CYFIP1: variants seen among roughly 807,000 people sequenced by gnomAD.
CYFIP1 encodes the protein cytoplasmic FMR1-interacting protein 1.
A neutral mutation model predicts 163.5 loss-of-function variants in CYFIP1; 58 were observed. That is an observed-to-expected ratio of 0.35 (90% CI 0.29 to 0.44). The LOEUF is 0.44. Ranked by LOEUF, CYFIP1 falls within the 20% of genes least tolerant of loss-of-function variation. The probability of loss-of-function intolerance (pLI) is 1.00; values close to 1 mark genes in which losing one functional copy is unlikely to be tolerated. For missense variants in CYFIP1, 1,338 were observed against 1,653.8 expected (o/e 0.81, Z 3.31); for synonymous variants, 663 against 660.7 (o/e 1.00, Z -0.05).
At chr15:22,928,106 A>C in intron 11 of CYFIP1, 78 bp from the exon 12 acceptor site, 2 of 1,390,936 alleles carry the variant, frequency 1.4e-6, no homozygotes, top group Non-Finnish European at 1.9e-6. Flanking sequence ...CACCATGAGA[A>C]TCCACCCCAA....
chr15:22,907,615 A>G (rs1307487031), intron 21 of CYFIP1, among the ~76,000 whole-genome samples: 2 of 152,206 alleles, frequency 1.3e-5, no homozygotes, highest in East Asian at 3.8e-4. Context: ...CACAGTGGAA[A>G]CGGACGTGTG....
rs1339859168 is a variant in CYFIP1, at chr15:22,879,940, G to A, written c.3015C>T (p.Leu1005=). The change falls in exon 26 of 31, where the codon CTC becomes CTT. Residue 1005 remains leucine, a synonymous_variant. Coordinates refer to ENST00000617928, the MANE Select transcript of CYFIP1 (RefSeq NM_014608.6). Reference sequence around the variant, plus strand: ...GGCTCTGCTCGATGAGCAGGCAGAAGAGGATGGCGTTCCCCACCTCCCGCA... The same window carrying A: ...GGCTCTGCTCGATGAGCAGGCAGAAAAGGATGGCGTTCCCCACCTCCCGCA... ...QNLREVGNAI[L]FCLLIEQSLS... is the part of the protein sequence containing the mutation. 26 of 1,613,222 alleles carry A rather than the reference G, an allele frequency of 1.6e-5. No homozygotes were observed. Among genetic ancestry groups the A allele is most frequent in the Non-Finnish European group, 2.2e-5 (26 of 1,179,990 alleles).
Position 22,943,512 on chromosome 15 carries a change from C to T in CYFIP1, c.388-158G>A, listed in dbSNP as rs1351159330. 4.0e-4 allele frequency among the ~76,000 whole-genome samples: 61 copies of T among 152,214 alleles called. 1 individual carries two copies. The highest frequency in any genetic ancestry group is 4.0e-3 in the Admixed American group (61 of 15,282). ...GTTTACAATGTGGGCAACCAGACCC[C>T]TTCCTGAAAGCAGCTCCCACTGCCT... On this transcript the variant is annotated intron_variant, in intron 5 of 30. Transcript: ENST00000617928.
chr15:22,971,938 TGCAATCTACAGATTCAAA>T lies in CYFIP1; in HGVS notation c.-7+8331_-7+8348del, dbSNP rs1255125802. Reference sequence around the variant, plus strand: ...AATTCAATGCAATCTACAGGTTCAATGCAATCTACAGATTCAAAGCAATCTACAGATTCAATGCAATCT... The same window carrying T: ...AATTCAATGCAATCTACAGGTTCAATGCAATCTACAGATTCAATGCAATCT... On this transcript the variant is annotated intron_variant, in intron 1 of 30. Transcript: ENST00000617928. 1.2e-3 allele frequency among the ~76,000 whole-genome samples: 189 copies of T among 151,822 alleles called. 2 individuals carry two copies. In the South Asian group the frequency reaches 0.021, roughly 17 times the overall value.
chr15:22,944,238 CAA>C lies in CYFIP1; in HGVS notation c.387+318_387+319del, dbSNP rs34662161. Among the ~76,000 whole-genome samples the C allele has an allele frequency of 4.7e-3, 447 of 94,950 alleles. 3 individuals carry two copies. Among genetic ancestry groups the C allele is most frequent in the African/African-American group, 0.016 (384 of 23,722 alleles). The allele number at this position is 94,950 out of a possible 152,430, so 62.3% of individuals were successfully genotyped here. A position where few individuals can be genotyped will look rare whatever the true frequency, so the allele number is the denominator to read the frequency against. On this transcript the variant is annotated intron_variant, in intron 5 of 30. Transcript: ENST00000617928. ...AGGGCGACAAAGCAAGACTCTGTCT[CAA>C]AAAAAAAAAAAAAAAAAAAAAGTAC...
At chr15:22,952,636 CAG>C (rs1017475359) in intron 1 of CYFIP1, among the ~76,000 whole-genome samples, 4 of 100,402 alleles carry the variant, frequency 4.0e-5, no homozygotes, top group Middle Eastern at 0.013. Context: ...ACCCCAGCGA[CAG>C]AGTGAGGTGA....
rs1404832051 is a variant in CYFIP1 at position 22,947,223 on chromosome 15, G to A, written c.63C>T (p.Pro21=). 3.7e-6 allele frequency: 6 copies of A among 1,613,858 alleles called. No individual in the cohort carries two copies. The highest frequency in any genetic ancestry group is 2.2e-5 in the East Asian group (1 of 44,878). The change falls in exon 2 of 31, where the codon CCC becomes CCT. Residue 21 remains proline (P), a synonymous_variant. Coordinates refer to ENST00000617928, the MANE Select transcript of CYFIP1 (RefSeq NM_014608.6). ...CGATGCAGGGCTGCTGGTCGGGCAG[G>A]GGCAGCTCCTCCAGGAGGTCCACGT... ...LSNVDLLEEL[P]LPDQQPCIEP...
chr15:22,877,775 C>T (rs2059627723), intron 26 of CYFIP1, among the ~76,000 whole-genome samples: 1 of 152,202 alleles, frequency 6.6e-6, no homozygotes, highest in African/African-American at 2.4e-5. Flanking sequence ...GGGGCTGCTG[C>T]AGTCCCTCTT....
At position 22,886,812 on chromosome 15, in the gene CYFIP1, G is replaced by A. The variant is rs116256252; in HGVS notation, c.2677-3801C>T. On this transcript the variant is annotated intron_variant, in intron 23 of 30. Coordinates refer to ENST00000617928, the MANE Select transcript of CYFIP1 (RefSeq NM_014608.6). ...AGTTAGATCCTGTTGGTCGATGGTG[G>A]TGTTCAGTTCTTTTCTACTGTTGCT... Among the ~76,000 whole-genome samples the A allele has an allele frequency of 1.6e-3, 250 of 152,266 alleles. 2 individuals are homozygous for A. Among genetic ancestry groups the A allele is most frequent in the African/African-American group, 5.7e-3 (237 of 41,550 alleles).
chr15:22,934,680 A>G (rs1250786884), intron 9 of CYFIP1, among the ~76,000 whole-genome samples: 1 of 143,494 alleles, frequency 7.0e-6, no homozygotes, highest in Non-Finnish European at 1.5e-5. Context: ...TTGTATTTTT[A>G]GTAGAGACGG....
At chr15:22,971,534 T>C (rs2063093457) in intron 1 of CYFIP1, among the ~76,000 whole-genome samples, 1 of 151,592 alleles carries the variant, frequency 6.6e-6, no homozygotes, top group South Asian at 2.1e-4. Flanking sequence ...TAGCCAGGCG[T>C]GGTAGTGGGC....
intron 4 of CYFIP1, 72 bp downstream of exon 4, chr15:22,944,790 G>C: frequency 6.5e-6 from 10 of 1,548,376 alleles, no homozygotes; most frequent in Non-Finnish European, 8.0e-6. Context: ...AGGCATGGCA[G>C]GGGCAGGGGT....
At chr15:22,908,453 T>C (rs2060657190) in intron 21 of CYFIP1, among the ~76,000 whole-genome samples, 1 of 150,502 alleles carries the variant, frequency 6.6e-6, no homozygotes, top group Non-Finnish European at 1.5e-5. Flanking sequence ...CCAAGCGAAA[T>C]GTAGGGGTAG....
At position 22,880,027 on chromosome 15, in the gene CYFIP1, G is replaced by T. The variant is rs373686475; in HGVS notation, c.2928C>A (p.Phe976Leu). 6.2e-7 allele frequency: 1 copy of T among 1,613,774 alleles called. No homozygotes were observed. The highest frequency in any genetic ancestry group is 1.7e-5 in the Admixed American group (1 of 60,012). ...CCACGATGTCCTTCAGCTGGTGGTG[G>T]AAGAACTCCAGGATACCTACGGTGG... The part of the protein sequence containing the change: ...EYGSPGILEF[F>L]HHQLKDIVEY... The change falls in exon 26 of 31, where the codon TTC becomes TTA. Residue 976 changes from phenylalanine to leucine, a missense_variant. Phe to Leu is a conservative substitution (Grantham distance 22, BLOSUM62 0). Around this residue, in one of 4 missense-constraint regions of CYFIP1, gnomAD observed 22 missense variants for 47.7 expected, o/e 0.46. Transcript: ENST00000617928.
At chr15:22,895,491 A>T (rs577974278) in intron 22 of CYFIP1, among the ~76,000 whole-genome samples, 1 of 152,054 alleles carries the variant, frequency 6.6e-6, no homozygotes, top group Non-Finnish European at 1.5e-5. Context: ...CTTCTTCTTG[A>T]TTTATCAAGT....
intron 5 of CYFIP1, among the ~76,000 whole-genome samples, chr15:22,943,696 A>AT (rs1301294525): frequency 3.9e-5 from 6 of 152,158 alleles, no homozygotes; most frequent in African/African-American, 1.4e-4. Flanking sequence ...ACTGGGAGAG[A>AT]TTTTTTTCCT....
intron 13 of CYFIP1, among the ~76,000 whole-genome samples, chr15:22,922,130 G>C (rs1276747525): frequency 6.6e-6 from 1 of 152,114 alleles, no homozygotes; most frequent in Non-Finnish European, 1.5e-5. Flanking sequence ...GTCATCCCAG[G>C]AACCAGCTCT....
intron 1 of CYFIP1, among the ~76,000 whole-genome samples, chr15:22,972,691 T>C (rs923666212): frequency 3.7e-4 from 56 of 152,136 alleles, no homozygotes; most frequent in African/African-American, 1.3e-3. Flanking sequence ...CTTCTCAACA[T>C]AGACAAAAAT....
intron 1 of CYFIP1, among the ~76,000 whole-genome samples, chr15:22,979,053 A>G (rs2140298488): frequency 6.6e-6 from 1 of 152,330 alleles, no homozygotes; most frequent in African/African-American, 2.4e-5. Context: ...TGAGCGCAGC[A>G]CAGACACCTG....
Sources: allele counts gnomAD v4.1 joint callset (sites outside exome capture counted in the v4.1 genomes callset), GRCh38; gene constraint gnomAD v4.1.1; regional missense constraint gnomAD v4.1.1; transcripts MANE v1.5; gene names NCBI Gene and HGNC (gene_info 2026-07-23, HGNC 2026-07-21).